UBAP1: variants seen among roughly 807,000 people sequenced by gnomAD.
UBAP1 encodes ubiquitin associated protein 1.
Under a neutral mutation model 39.0 loss-of-function variants are expected in UBAP1, and 5 were observed. The observed-to-expected ratio is 0.13, with a 90% CI of 0.07 to 0.27. The LOEUF (loss-of-function observed/expected upper bound fraction) is 0.27. Ranked by LOEUF, UBAP1 falls within the 10% of genes least tolerant of loss-of-function variation. UBAP1 has a pLI of 1.00. For missense variants in UBAP1, 490 were observed against 608.1 expected (o/e 0.81, Z 2.04); for synonymous variants, 211 against 225.1 (o/e 0.94, Z 0.56).
At chr9:34,179,889 G>A (rs918810498) in intron 1 of UBAP1, among the ~76,000 whole-genome samples, 2 of 152,048 alleles carry the variant, frequency 1.3e-5, no homozygotes, top group African/African-American at 4.8e-5. Context: ...TTTGACCTTT[G>A]TTGCCAAATG....
intron 2 of UBAP1, among the ~76,000 whole-genome samples, chr9:34,226,117 G>GTGTGTGTGTGTGTT (rs1833051394): frequency 1.1e-5 from 1 of 94,264 alleles, no homozygotes; most frequent in Non-Finnish European, 2.5e-5. Flanking sequence ...GTGTGTGTGT[G>GTGTGTGTGTGTGTT]TGTGTGTGTG....
intron 2 of UBAP1, among the ~76,000 whole-genome samples, chr9:34,222,136 C>CAT (rs1018346596): frequency 9.9e-5 from 15 of 151,896 alleles, no homozygotes; most frequent in Admixed American, 2.6e-4. Context: ...AAAAAAAATA[C>CAT]ATATATATAT....
chr9:34,211,018 GAAA>G (rs1013273502), intron 1 of UBAP1, among the ~76,000 whole-genome samples: 1 of 151,324 alleles, frequency 6.6e-6, no homozygotes, highest in African/African-American at 2.4e-5. Flanking sequence ...GGATCAGTAA[GAAA>G]AAAAATGGGA....
chr9:34,197,977 G>A (rs1831158565), intron 1 of UBAP1, among the ~76,000 whole-genome samples: 1 of 152,236 alleles, frequency 6.6e-6, no homozygotes, highest in South Asian at 2.1e-4. Context: ...CCTAACCTGG[G>A]GTTCTGGATG....
Position 34,179,052 on chromosome 9 carries a change from G to A in UBAP1, c.-196G>A. On this transcript the variant is annotated 5_prime_UTR_variant, in exon 1 of 7. Coordinates refer to ENST00000297661, the MANE Select transcript of UBAP1 (RefSeq NM_016525.5). ...GTGAGGGGAAGGAGGAGGGAAGTAG[G>A]ACTTCAACATGGCGGCTGCGGCACT... 4 of 1,278,084 alleles carry A rather than the reference G, an allele frequency of 3.1e-6. No individual in the cohort carries two copies. The highest frequency in any genetic ancestry group is 4.0e-6 in the Non-Finnish European group (4 of 1,011,054). 79.2% of individuals were successfully genotyped at this position (1,278,084 alleles called of 1,614,324 possible).
intron 1 of UBAP1, among the ~76,000 whole-genome samples, chr9:34,184,733 C>T (rs1830292773): frequency 6.6e-6 from 1 of 150,806 alleles, no homozygotes. Flanking sequence ...AGAGATTCTC[C>T]TGCCTCAGCC....
At chr9:34,190,322 C>T (rs1830642553) in intron 1 of UBAP1, among the ~76,000 whole-genome samples, 1 of 152,172 alleles carries the variant, frequency 6.6e-6, no homozygotes, top group Non-Finnish European at 1.5e-5. Flanking sequence ...TGGAGTCCCA[C>T]TCTGTCACCC....
At chr9:34,231,436 C>T (rs149023587) in intron 2 of UBAP1, among the ~76,000 whole-genome samples, 10 of 151,906 alleles carry the variant, frequency 6.6e-5, no homozygotes, top group African/African-American at 1.9e-4. Context: ...AGGCTGGTCT[C>T]GAACTCATGA....
intron 1 of UBAP1, among the ~76,000 whole-genome samples, chr9:34,207,366 T>C (rs1831768159): frequency 6.7e-6 from 1 of 148,898 alleles, no homozygotes; most frequent in African/African-American, 2.5e-5. Context: ...TATTTCTACA[T>C]GAACTTTAGA....
chr9:34,227,833 T>A (rs1035748098), intron 2 of UBAP1, among the ~76,000 whole-genome samples: 2 of 152,224 alleles, frequency 1.3e-5, no homozygotes, highest in African/African-American at 4.8e-5. Context: ...AATTGTTAGC[T>A]ATAATATTTT....
At chr9:34,251,201 C>T (rs916217911) in intron 6 of UBAP1, among the ~76,000 whole-genome samples, 191 bp from the exon 7 acceptor site, 2 of 152,100 alleles carry the variant, frequency 1.3e-5, no homozygotes, top group Non-Finnish European at 2.9e-5. Context: ...CGTCACCAAA[C>T]CCGTTTGCCT....
At chr9:34,186,917 T>A (rs1830437303) in intron 1 of UBAP1, among the ~76,000 whole-genome samples, 1 of 152,104 alleles carries the variant, frequency 6.6e-6, no homozygotes, top group African/African-American at 2.4e-5. Context: ...TTTTATTTTT[T>A]ATTTTTTGAG....
At chr9:34,231,515 A>G (rs1833415778) in intron 2 of UBAP1, among the ~76,000 whole-genome samples, 1 of 150,810 alleles carries the variant, frequency 6.6e-6, no homozygotes, top group East Asian at 2.0e-4. Context: ...GGCCAAAAGC[A>G]TGTCTTTATT....
intron 1 of UBAP1, among the ~76,000 whole-genome samples, chr9:34,203,792 C>T (rs1368567328): frequency 2.0e-5 from 3 of 152,110 alleles, no homozygotes; most frequent in Admixed American, 2.0e-4. Context: ...TTGTTCCATC[C>T]TTATATTGTT....
At chr9:34,203,000 A>G (rs1215680022) in intron 1 of UBAP1, among the ~76,000 whole-genome samples, 1 of 152,050 alleles carries the variant, frequency 6.6e-6, no homozygotes, top group Non-Finnish European at 1.5e-5. Flanking sequence ...TGTATTCCTT[A>G]AGATCTTTTT....
chr9:34,249,763 C>T lies in UBAP1; in HGVS notation c.1084-16C>T. 1.2e-6 allele frequency: 2 copies of T among 1,612,398 alleles called. No individual in the cohort carries two copies. Among genetic ancestry groups the T allele is most frequent in the Non-Finnish European group, 1.7e-6 (2 of 1,178,574 alleles). ...GCCCAGGTCTTCTTGCCTTAATCTT[C>T]TTGTTTTTCCACTAGGTCACCCCTC... On this transcript the variant is annotated splice_polypyrimidine_tract_variant and intron_variant, in intron 4 of 6. Transcript: ENST00000297661.
chr9:34,215,708 A>T (rs1462165065), intron 1 of UBAP1, among the ~76,000 whole-genome samples: 1 of 152,018 alleles, frequency 6.6e-6, no homozygotes, highest in Non-Finnish European at 1.5e-5. Flanking sequence ...GGGTTTAAAA[A>T]AGTATAGGAA....
At chr9:34,195,165 CTT>C (rs1830955401) in intron 1 of UBAP1, among the ~76,000 whole-genome samples, 3 of 146,562 alleles carry the variant, frequency 2.0e-5, no homozygotes, top group African/African-American at 7.6e-5. Context: ...CTAACAGTGT[CTT>C]ATAAGAAGTT....
intron 1 of UBAP1, 105 bp from the exon 2 acceptor site, chr9:34,220,803 C>A: frequency 1.1e-6 from 1 of 904,140 alleles, no homozygotes; most frequent in Non-Finnish European, 1.7e-6. Flanking sequence ...AGGATTCTGT[C>A]AGCCCTAAAA....
Sources: gnomAD v4.1 joint callset for allele counts (sites outside exome capture counted in the v4.1 genomes callset) on GRCh38, gnomAD v4.1.1 for gene constraint, MANE v1.5 for transcripts, NCBI Gene and HGNC (gene_info 2026-07-23, HGNC 2026-07-21) for gene names.